Variants in ERICH3 observed in about 807,000 individuals in gnomAD.
The protein encoded by ERICH3 is glutamate rich 3, also known as glutamate-rich protein 3.
ERICH3 carries 126 observed loss-of-function variants against 131.1 expected under a neutral mutation model. The ratio of observed to expected loss-of-function variants is 0.96; its 90% CI spans 0.83 to 1.11. The LOEUF (loss-of-function observed/expected upper bound fraction) is 1.11, where lower values mean the gene tolerates loss of function less well. Among genes scored for constraint, ERICH3 ranks in the 50% most tolerant of loss-of-function variants. The pLI is 0.00. For synonymous variants in ERICH3, 695 were observed against 644.6 expected (o/e 1.08, Z -1.18); for missense variants, 2,050 against 1,810.7 (o/e 1.13, Z -2.40).
At chr1:74,632,471 G>A (rs1399094849) in intron 6 of ERICH3, among the ~76,000 whole-genome samples, 1 of 151,778 alleles carries the variant, frequency 6.6e-6, no homozygotes, top group Non-Finnish European at 1.5e-5. Flanking sequence ...TATATCCTTT[G>A]ACCTAGAAAT....
intron 12 of ERICH3, chr1:74,579,873 A>G: frequency 1.0e-6 from 1 of 985,136 alleles, no homozygotes; most frequent in Non-Finnish European, 1.2e-6. Context: ...TTAGTTGCCA[A>G]ATGGAATTGT....
intron 1 of ERICH3, among the ~76,000 whole-genome samples, chr1:74,652,833 C>G (rs1351623690): frequency 6.6e-6 from 1 of 152,150 alleles, no homozygotes; most frequent in Non-Finnish European, 1.5e-5. Flanking sequence ...ACGTTTGTTT[C>G]TTTATGTGAT....
At chr1:74,580,696 A>C (rs751353154) in intron 12 of ERICH3, among the ~76,000 whole-genome samples, 1 of 152,138 alleles carries the variant, frequency 6.6e-6, no homozygotes, top group African/African-American at 2.4e-5. Flanking sequence ...TACAATGTAC[A>C]TTCTTCTGTT....
At chr1:74,613,045 T>C (rs114772565) in intron 8 of ERICH3, among the ~76,000 whole-genome samples, 4,066 of 152,234 alleles carry the variant, frequency 0.027, 79 homozygotes, top group Admixed American at 0.04. Flanking sequence ...CTTGTATAAA[T>C]CTCATAATGT....
chr1:74,587,715 C>G (rs1284343241), intron 12 of ERICH3, among the ~76,000 whole-genome samples: 2 of 152,100 alleles, frequency 1.3e-5, no homozygotes, highest in Admixed American at 6.6e-5. Context: ...TTTCTATTGA[C>G]CTTTAACACC....
intron 1 of ERICH3, among the ~76,000 whole-genome samples, chr1:74,649,681 G>A (rs1008003685): frequency 1.3e-5 from 2 of 152,098 alleles, no homozygotes; most frequent in African/African-American, 4.8e-5. Flanking sequence ...GGGAAAGCAA[G>A]GGCTCCTTCA....
intron 7 of ERICH3, among the ~76,000 whole-genome samples, chr1:74,631,046 T>C (rs1646326536): frequency 6.6e-6 from 1 of 152,138 alleles, no homozygotes; most frequent in African/African-American, 2.4e-5. Context: ...TCTATGTGCA[T>C]GCTGGCACTT....
chr1:74,607,107 AAAC>A (rs1320747037), intron 9 of ERICH3, among the ~76,000 whole-genome samples: 1 of 152,064 alleles, frequency 6.6e-6, no homozygotes, highest in Non-Finnish European at 1.5e-5. Context: ...TCTTGTAAAC[AAAC>A]AACAAATTCT....
At chr1:74,671,528 C>T (rs1646743372) in intron 1 of ERICH3, among the ~76,000 whole-genome samples, 1 of 152,158 alleles carries the variant, frequency 6.6e-6, no homozygotes, top group Non-Finnish European at 1.5e-5. Flanking sequence ...TATACTGTCT[C>T]TCTTTATTTC....
Position 74,573,351 on chromosome 1 carries a change from C to G in ERICH3, c.2359G>C (p.Asp787His), listed in dbSNP as rs767747171. Residue 787 changes from aspartate (D) to histidine (H), a missense_variant, in exon 14 of 15, where the codon GAC (aspartate) becomes CAC (histidine). Transcript: ENST00000326665. ...EDEAPQHRDA[D>H]IVQGKGEAAL... Reference sequence around the variant, plus strand: ...GCCTCCCCTTTTCCCTGTACTATGTCAGCATCTCTGTGCTGGGGCGCTTCA... The same window carrying G: ...GCCTCCCCTTTTCCCTGTACTATGTGAGCATCTCTGTGCTGGGGCGCTTCA... The G allele has an allele frequency of 6.2e-7, 1 of 1,611,764 alleles. No homozygotes were observed. The highest frequency in any genetic ancestry group is 8.5e-7 in the Non-Finnish European group (1 of 1,179,166).
At chr1:74,660,074 C>A (rs1646625464) in intron 1 of ERICH3, among the ~76,000 whole-genome samples, 1 of 152,080 alleles carries the variant, frequency 6.6e-6, no homozygotes, top group African/African-American at 2.4e-5. Flanking sequence ...CATGGGGTTA[C>A]CCTCATGCTA....
chr1:74,656,619 C>T (rs542863299), intron 1 of ERICH3, among the ~76,000 whole-genome samples: 5 of 152,290 alleles, frequency 3.3e-5, no homozygotes, highest in African/African-American at 1.2e-4. Context: ...CTGAAGTGAA[C>T]ATCTCAGTTT....
At chr1:74,583,499 C>G (rs138554966) in intron 12 of ERICH3, among the ~76,000 whole-genome samples, 65 of 152,182 alleles carry the variant, frequency 4.3e-4, no homozygotes, top group African/African-American at 1.4e-3. Flanking sequence ...CTCTCCTTCT[C>G]TCTCTCTCTG....
chr1:74,609,452 G>A (rs142706800), intron 9 of ERICH3, among the ~76,000 whole-genome samples: 327 of 151,964 alleles, frequency 2.2e-3, no homozygotes, highest in African/African-American at 7.7e-3. Flanking sequence ...TATCATTATG[G>A]GAGTGACAAC....
Position 74,571,432 on chromosome 1 carries a change from T to G in ERICH3, c.4278A>C (p.Thr1426=). ...PAAEEMTVTY[T]TEAGVGTPGA... is the part of the protein sequence containing the mutation. ...CTGGAGTGCCCACCCCAGCCTCTGTTGTATATGTCACTGTCATCTCCTCTG... is the reference window on the plus strand; with the variant it reads ...CTGGAGTGCCCACCCCAGCCTCTGTGGTATATGTCACTGTCATCTCCTCTG... The change falls in exon 14 of 15, where the codon ACA becomes ACC. Residue 1426 remains threonine, a synonymous_variant. Coordinates refer to ENST00000326665, the MANE Select transcript of ERICH3 (RefSeq NM_001002912.5). 6.2e-7 allele frequency: 1 copy of G among 1,613,976 alleles called. No individual in the cohort carries two copies. The highest frequency in any genetic ancestry group is 8.5e-7 in the Non-Finnish European group (1 of 1,179,966).
At chr1:74,588,832 A>T (rs1245435028) in intron 12 of ERICH3, among the ~76,000 whole-genome samples, 1 of 152,036 alleles carries the variant, frequency 6.6e-6, no homozygotes, top group East Asian at 1.9e-4. Context: ...GATTATCCTG[A>T]CACTCCTTAC....
chr1:74,621,646 C>T (rs2100611725), intron 7 of ERICH3: 1 of 152,188 alleles, frequency 6.6e-6, no homozygotes, highest in South Asian at 2.1e-4. Flanking sequence ...TGGCATTGCC[C>T]AATTTAAATT....
chr1:74,659,338 GT>G (rs1646618377), intron 1 of ERICH3, among the ~76,000 whole-genome samples: 1 of 152,118 alleles, frequency 6.6e-6, no homozygotes, highest in Non-Finnish European at 1.5e-5. Flanking sequence ...GTGTGTGTGT[GT>G]GTGTGTGTGC....
Position 74,573,258 on chromosome 1 carries a change from G to C in ERICH3, c.2452C>G (p.Gln818Glu), listed in dbSNP as rs895707791. 1 of 1,599,898 alleles carries C rather than the reference G, an allele frequency of 6.3e-7. No individual in the cohort carries two copies. Among genetic ancestry groups the C allele is most frequent in the Non-Finnish European group, 8.5e-7 (1 of 1,174,272 alleles). ...GTAAACTCTTCTGCCAATTCTGGCT[G>C]CTCTGCTGTTGGCTTCCACGCCCTC... ...PLRAWKPTAE[Q>E]PELAEEFTEK... Residue 818 changes from glutamine (Q) to glutamate (E), a missense_variant, in exon 14 of 15, where the codon CAG becomes GAG. Physicochemically the swap from Gln to Glu is conservative, Grantham distance 29. Coordinates refer to ENST00000326665, the MANE Select transcript of ERICH3 (RefSeq NM_001002912.5).
Sources: gnomAD v4.1 joint callset for allele counts (sites outside exome capture counted in the v4.1 genomes callset) on GRCh38, gnomAD v4.1.1 for gene constraint, MANE v1.5 for transcripts, NCBI Gene and HGNC (gene_info 2026-07-23, HGNC 2026-07-21) for gene names.